The following MIA3 variants were observed in gnomAD, a reference collection of about 807,000 sequenced individuals.
MIA3 encodes transport and Golgi organization protein 1 homolog.
A neutral mutation model predicts 192.4 loss-of-function variants in MIA3; 90 were observed. The ratio of observed to expected loss-of-function variants is 0.47; its 90% CI spans 0.39 to 0.56. The LOEUF is 0.56. MIA3 is among the 20% of genes least tolerant of loss of function. The pLI is 0.00. For synonymous variants in MIA3, 740 were observed against 792.8 expected (o/e 0.93, Z 1.12); for missense variants, 2,123 against 2,269.4 (o/e 0.94, Z 1.31).
At chr1:222,626,602 T>C (rs1211196076) in intron 3 of MIA3, among the ~76,000 whole-genome samples, 1 of 152,220 alleles carries the variant, frequency 6.6e-6, no homozygotes, top group East Asian at 1.9e-4. Context: ...ACAGATTTAC[T>C]TGACAGTCCT....
Position 222,662,321 on chromosome 1 carries a change from G to C in MIA3, c.5251G>C (p.Asp1751His), listed in dbSNP as rs202243744. 165 of 1,613,800 alleles carry C rather than the reference G, an allele frequency of 1.0e-4. 1 individual carries two copies. In the African/African-American group the frequency reaches 2.0e-3, roughly 20 times the overall value. The change falls in exon 26 of 28, where the codon GAT becomes CAT. Residue 1751 changes from aspartate to histidine, a missense_variant. Physicochemically the swap from Asp to His is moderately conservative, Grantham distance 81 (BLOSUM62 -1). This residue lies in a region of MIA3 where 762 missense variants were observed against 856.4 expected (regional missense o/e 0.89). Coordinates refer to ENST00000344922, the MANE Select transcript of MIA3 (RefSeq NM_198551.4). ...AGGCTCTTCCCCTACCAGGGTACTC[G>C]ATGAAGGCAAGGTAAATGCACCCAT... is the stretch of plus-strand genomic sequence containing the variant. ...SRGSSPTRVLDEGKVNMAPKG... is the reference protein window; with the variant it reads ...SRGSSPTRVLHEGKVNMAPKG...
At chr1:222,645,281 CAT>C (rs561074220) in intron 6 of MIA3, among the ~76,000 whole-genome samples, 46 of 152,282 alleles carry the variant, frequency 3.0e-4, no homozygotes, top group Non-Finnish European at 5.6e-4. Context: ...TTTTAGATAA[CAT>C]ATTGTATCAG....
Position 222,659,904 on chromosome 1 carries a change from AGAT to A in MIA3, c.4875-1_4876del. 1 of 1,610,128 alleles carries A rather than the reference AGAT, an allele frequency of 6.2e-7. No homozygotes were observed. The highest frequency in any genetic ancestry group is 8.5e-7 in the Non-Finnish European group (1 of 1,177,020). ...CTTAAATATTCTTTCTCTATATTCA[AGAT>A]TATTAGAATTAACACAAAAGATGGC... On this transcript the variant is annotated splice_acceptor_variant and coding_sequence_variant, in exon 23 of 28. Coordinates refer to ENST00000344922, the MANE Select transcript of MIA3 (RefSeq NM_198551.4). LOFTEE classifies it high-confidence loss of function.
At chr1:222,624,721 A>G (rs1662029299) in intron 2 of MIA3, 47 bp from the exon 3 acceptor site, 1 of 879,700 alleles carries the variant, frequency 1.1e-6, no homozygotes, top group Non-Finnish European at 1.9e-6. Flanking sequence ...TATTTCTCAT[A>G]CAGAATTTGA....
At chr1:222,657,868 G>C (rs1333867791) in intron 18 of MIA3, among the ~76,000 whole-genome samples, 1 of 152,142 alleles carries the variant, frequency 6.6e-6, no homozygotes, top group East Asian at 1.9e-4. Context: ...TTTTCTCTTT[G>C]GTGTTAATAA....
rs773602260 is a variant in MIA3 at position 222,644,527 on chromosome 1, C to G, written c.3478-1027C>G. On this transcript the variant is annotated intron_variant, in intron 6 of 27. Coordinates refer to ENST00000344922, the MANE Select transcript of MIA3 (RefSeq NM_198551.4). ...TTCTATCGCCGCTACCCCGGGGGAC[C>G]CGGAACTTGTGGGACCCTTGTCTGT... 3 of 1,550,630 alleles carry G rather than the reference C, an allele frequency of 1.9e-6. No homozygotes were observed. In the South Asian group the frequency reaches 3.6e-5, roughly 18 times the overall value.
intron 18 of MIA3, among the ~76,000 whole-genome samples, chr1:222,656,297 A>G (rs1408770885): frequency 6.6e-6 from 1 of 152,044 alleles, no homozygotes; most frequent in Non-Finnish European, 1.5e-5. Flanking sequence ...ATGCAGGTTC[A>G]GTGAGTTTAC....
Position 222,632,308 on chromosome 1 carries a change from G to A in MIA3, c.3313G>A (p.Glu1105Lys), listed in dbSNP as rs749664370. ...AGAAGTGTCACAGAAGCCAAATACT[G>A]AGAAAGACCTGGACCCAGGTAAAGC... ...ASEVSQKPNT[E>K]KDLDPGPVTT... Residue 1105 changes from glutamate to lysine, a missense_variant, in exon 5 of 28, where the codon GAG (glutamate) becomes AAG (lysine). By Grantham distance (56) the Glu-to-Lys change is moderately conservative. This residue lies in a region of MIA3 where 1,357 missense variants were observed against 1,396.1 expected (regional missense o/e 0.97). Transcript: ENST00000344922. 9 of 1,613,680 alleles carry A rather than the reference G, an allele frequency of 5.6e-6. No homozygotes were observed. The highest frequency in any genetic ancestry group is 7.6e-6 in the Non-Finnish European group (9 of 1,179,852).
rs1217941272 is a variant in MIA3 at position 222,665,909 on chromosome 1, T to C, written c.*290T>C. On this transcript the variant is annotated 3_prime_UTR_variant, in exon 28 of 28. Coordinates refer to ENST00000344922, the MANE Select transcript of MIA3 (RefSeq NM_198551.4). ...TATGTAATTGCAAAATGATTTAGAA[T>C]GTCATGAAAAATATGAACATTTCCT... The C allele has an allele frequency of 1.5e-5, 4 of 260,904 alleles. No homozygotes were observed. The highest frequency in any genetic ancestry group is 2.9e-5 in the Non-Finnish European group (4 of 140,052). 16.2% of individuals were successfully genotyped at this position (260,904 alleles called of 1,614,324 possible).
chr1:222,658,968 T>G, intron 19 of MIA3, 145 bp downstream of exon 19: 1 of 559,654 alleles, frequency 1.8e-6, no homozygotes. Flanking sequence ...AGTTAACAAA[T>G]GGAAAAATAT....
intron 7 of MIA3, chr1:222,647,916 A>G (rs1348481706): frequency 3.9e-5 from 15 of 383,438 alleles, no homozygotes; most frequent in Non-Finnish European, 7.7e-5. Flanking sequence ...TTATGTATAC[A>G]GTATATTAAT....
intron 6 of MIA3, among the ~76,000 whole-genome samples, chr1:222,637,683 A>ATTTTTTTTTTTTTTTT (rs778221337): frequency 6.7e-5 from 2 of 29,838 alleles, no homozygotes; most frequent in Non-Finnish European, 1.5e-4. Flanking sequence ...AATCAAGAAT[A>ATTTTTTTTTTTTTTTT]ATTTTTTTTT....
chr1:222,637,717 G>T (rs1406271288), intron 6 of MIA3, among the ~76,000 whole-genome samples: 1 of 144,932 alleles, frequency 6.9e-6, no homozygotes, highest in East Asian at 2.0e-4. Context: ...TTAAGATAGG[G>T]TCTCACCCTG....
intron 11 of MIA3, among the ~76,000 whole-genome samples, chr1:222,651,160 C>G (rs1663411186): frequency 6.6e-6 from 1 of 151,212 alleles, no homozygotes; most frequent in African/African-American, 2.4e-5. Flanking sequence ...ACATGTGGAA[C>G]AACTAAGAAA....
chr1:222,650,574 A>G (rs1368813072), intron 9 of MIA3, 60 bp from the exon 10 acceptor site: 1 of 1,214,118 alleles, frequency 8.2e-7, no homozygotes, highest in Non-Finnish European at 1.2e-6. Flanking sequence ...TCACTTGAAA[A>G]TAAGTTCTGG....
At chr1:222,637,063 T>C (rs150335871) in intron 6 of MIA3, among the ~76,000 whole-genome samples, 131 of 152,308 alleles carry the variant, frequency 8.6e-4, no homozygotes, top group African/African-American at 3.1e-3. Context: ...TTTTTAAATA[T>C]CTTTTGTTTA....
intron 15 of MIA3, 40 bp downstream of exon 15, chr1:222,653,379 C>A: frequency 1.4e-6 from 2 of 1,399,372 alleles, no homozygotes; most frequent in Non-Finnish European, 2.0e-6. Flanking sequence ...CTTTTGCCTT[C>A]CTGTCTTTAA....
At position 222,650,392 on chromosome 1, in the gene MIA3, C is replaced by CT; in HGVS notation, c.3720+15dup. 3.1e-6 allele frequency: 4 copies of CT among 1,297,124 alleles called. No homozygotes were observed. Among genetic ancestry groups the CT allele is most frequent in the East Asian group, 2.5e-5 (1 of 40,210 alleles). The allele number at this position is 1,297,124 out of a possible 1,614,324, so 80.4% of individuals were successfully genotyped here. On this transcript the variant is annotated intron_variant, in intron 9 of 27. Transcript: ENST00000344922. ...ATTATGAACAGAAGGTATGATTATTCTTTGTTTTTTTTTTTTTTCATGGTC... is the reference window on the plus strand; with the variant it reads ...ATTATGAACAGAAGGTATGATTATTCTTTTGTTTTTTTTTTTTTTCATGGTC...
chr1:222,630,354 C>T lies in MIA3; in HGVS notation c.3134C>T (p.Pro1045Leu), dbSNP rs753944992. ...GAGACAGCCACACTGGTGATGGCAC[C>T]ACCTCTAGAGGAAGGCTTGGGTGGA... ...AEETATLVMA[P>L]PLEEGLGGAM... Residue 1045 changes from proline to leucine, a missense_variant, in exon 4 of 28, where the codon CCA becomes CTA. Transcript: ENST00000344922. 1 of 1,612,848 alleles carries T rather than the reference C, an allele frequency of 6.2e-7. No homozygotes were observed. The highest frequency in any genetic ancestry group is 1.1e-5 in the South Asian group (1 of 90,856).
Sources: gnomAD v4.1 joint callset for allele counts (sites outside exome capture counted in the v4.1 genomes callset) on GRCh38, gnomAD v4.1.1 for gene constraint, gnomAD v4.1.1 regional missense constraint, MANE v1.5 for transcripts, NCBI Gene and HGNC (gene_info 2026-07-23, HGNC 2026-07-21) for gene names.